Variants in EYA2 observed in about 807,000 individuals in gnomAD.
EYA2 encodes the protein EYA transcriptional coactivator and phosphatase 2.
In EYA2, 31 loss-of-function variants were observed where a neutral mutation model predicts 69.2. The observed-to-expected ratio is 0.45, with a 90% confidence interval of 0.34 to 0.60. EYA2 has a LOEUF of 0.60. EYA2 is among the 20% of genes least tolerant of loss of function. EYA2 has a pLI of 0.02. For missense variants in EYA2, 622 were observed against 701.2 expected (o/e 0.89, Z 1.28); for synonymous variants, 257 against 279.4 (o/e 0.92, Z 0.80).
intron 1 of EYA2, among the ~76,000 whole-genome samples, chr20:46,897,824 C>T (rs1983887658): frequency 6.6e-6 from 1 of 152,084 alleles, no homozygotes. Context: ...GAAGTTGCGA[C>T]TGGGGTAGAG....
At chr20:47,112,642 T>C (rs1410786443) in intron 9 of EYA2, among the ~76,000 whole-genome samples, 1 of 151,664 alleles carries the variant, frequency 6.6e-6, no homozygotes, top group East Asian at 1.9e-4. Context: ...ACTTCAAAAC[T>C]AGGCCAAAAA....
intron 3 of EYA2, among the ~76,000 whole-genome samples, chr20:47,001,994 T>C (rs149883241): frequency 0.01 from 1,545 of 151,462 alleles, 22 homozygotes; most frequent in African/African-American, 0.035. Context: ...TGCAGTGGCG[T>C]GATCTCAGCT....
intron 1 of EYA2, among the ~76,000 whole-genome samples, chr20:46,987,964 C>CTCTCTCTCTATATATA (rs1555809797): frequency 3.5e-4 from 4 of 11,276 alleles, no homozygotes; most frequent in African/African-American, 5.5e-4. Flanking sequence ...CTCTCTCTCT[C>CTCTCTCTCTATATATA]TATATATATA....
rs1244703316 is a variant in EYA2 at position 46,965,193 on chromosome 20, G to A, written c.-10-24808G>A. Among the ~76,000 whole-genome samples, 4 of 152,192 alleles carry A rather than the reference G, an allele frequency of 2.6e-5. No individual in the cohort carries two copies. The East Asian group carries it at 5.8e-4, about 22-fold the overall frequency. Reference sequence around the variant, plus strand: ...TGAGCCCGACCTTGGTGAACCCTAAGCATGAGCCATTGATCCCACTGCTCA... The same window carrying A: ...TGAGCCCGACCTTGGTGAACCCTAAACATGAGCCATTGATCCCACTGCTCA... On this transcript the variant is annotated intron_variant, in intron 1 of 15. Coordinates refer to ENST00000327619, the MANE Select transcript of EYA2 (RefSeq NM_005244.5).
chr20:46,996,326 G>A (rs1387734322), intron 2 of EYA2, among the ~76,000 whole-genome samples: 4 of 152,170 alleles, frequency 2.6e-5, no homozygotes, highest in Admixed American at 1.3e-4. Flanking sequence ...CTTCTGGAAT[G>A]GAGATTTCTT....
rs184869732 is a variant in EYA2, at chr20:46,993,184, C to T, written c.109+3065C>T. On this transcript the variant is annotated intron_variant, in intron 2 of 15. Coordinates refer to ENST00000327619, the MANE Select transcript of EYA2 (RefSeq NM_005244.5). The stretch of plus-strand genomic sequence containing the variant: ...TGTTTAATGGGAGTAATTATTCCAC[C>T]GACCTCACAGACTCAATGTGAGGAT... 7.2e-5 allele frequency among the ~76,000 whole-genome samples: 11 copies of T among 152,288 alleles called. No individual in the cohort carries two copies. The East Asian group carries it at 1.9e-3, about 27-fold the overall frequency.
chr20:46,936,704 G>C (rs1399355399), intron 1 of EYA2, among the ~76,000 whole-genome samples: 1 of 152,124 alleles, frequency 6.6e-6, no homozygotes, highest in South Asian at 2.1e-4. Flanking sequence ...AGCAGAACAG[G>C]AGAAGGAGGC....
At position 47,074,322 on chromosome 20, in the gene EYA2, C is replaced by T. The variant is rs367734889; in HGVS notation, c.648C>T (p.Ser216=). ...EASHNVPNQS[S]ESLAGEYNTH... ...CTCACAACGTCCCCAACCAGAGTTC[C>T]GAGTCACTTGCTGGTAGGTGCAGTC... The change falls in exon 7 of 16, where the codon TCC becomes TCT. Residue 216 remains serine (S), a synonymous_variant. Coordinates refer to ENST00000327619, the MANE Select transcript of EYA2 (RefSeq NM_005244.5). 27 of 1,613,834 alleles carry T rather than the reference C, an allele frequency of 1.7e-5. No homozygotes were observed. The highest frequency in any genetic ancestry group is 8.0e-5 in the African/African-American group (6 of 74,936).
intron 1 of EYA2, among the ~76,000 whole-genome samples, chr20:46,948,798 T>C (rs1480298378): frequency 3.3e-5 from 5 of 152,240 alleles, no homozygotes; most frequent in African/African-American, 9.6e-5. Flanking sequence ...ACAAGTATTA[T>C]GTTCACTTCT....
chr20:47,041,955 G>T (rs1985094890), intron 5 of EYA2, among the ~76,000 whole-genome samples: 1 of 150,866 alleles, frequency 6.6e-6, no homozygotes, highest in South Asian at 2.1e-4. Context: ...TGGAAGGTTT[G>T]GTAAGAATAA....
intron 9 of EYA2, among the ~76,000 whole-genome samples, chr20:47,136,428 G>A (rs991293115): frequency 8.5e-5 from 13 of 152,060 alleles, no homozygotes; most frequent in Non-Finnish European, 1.6e-4. Context: ...GCAGATCTTT[G>A]GGCCGCCTAC....
At chr20:47,146,618 T>A (rs138303173) in intron 10 of EYA2, among the ~76,000 whole-genome samples, 1 of 152,188 alleles carries the variant, frequency 6.6e-6, no homozygotes, top group Admixed American at 6.5e-5. Context: ...AGTGAAAACA[T>A]ATTGTTTGTT....
intron 9 of EYA2, among the ~76,000 whole-genome samples, chr20:47,111,975 A>ATT (rs200022742): frequency 2.6e-5 from 4 of 151,220 alleles, no homozygotes; most frequent in Non-Finnish European, 4.4e-5. Flanking sequence ...ACAAAAAAAA[A>ATT]TTTTTTTTTC....
At chr20:47,149,875 A>G (rs1273614499) in intron 10 of EYA2, among the ~76,000 whole-genome samples, 2 of 152,078 alleles carry the variant, frequency 1.3e-5, no homozygotes, top group African/African-American at 2.4e-5. Flanking sequence ...AAATACATAC[A>G]TACACACATA....
At chr20:47,107,914 G>C (rs1244523565) in intron 9 of EYA2, among the ~76,000 whole-genome samples, 1 of 152,134 alleles carries the variant, frequency 6.6e-6, no homozygotes, top group African/African-American at 2.4e-5. Context: ...ACACAGAGAA[G>C]CTAAATTTTG....
intron 9 of EYA2, among the ~76,000 whole-genome samples, chr20:47,104,530 C>T (rs1353309629): frequency 6.6e-6 from 1 of 152,242 alleles, no homozygotes; most frequent in South Asian, 2.1e-4. Context: ...GAGATTTACT[C>T]CTGCACTTTT....
At chr20:47,134,248 C>A (rs2033407297) in intron 9 of EYA2, among the ~76,000 whole-genome samples, 1 of 152,128 alleles carries the variant, frequency 6.6e-6, no homozygotes, top group South Asian at 2.1e-4. Context: ...GCAGCTGAGC[C>A]ATGGAAGGCA....
chr20:47,182,259 T>C (rs2034551325), intron 14 of EYA2, among the ~76,000 whole-genome samples: 1 of 151,784 alleles, frequency 6.6e-6, no homozygotes, highest in Non-Finnish European at 1.5e-5. Flanking sequence ...AGGTGATCCA[T>C]CTGCCTCGGC....
chr20:47,135,429 C>T lies in EYA2; in HGVS notation c.889-7630C>T, dbSNP rs572252553. Among the ~76,000 whole-genome samples the T allele has an allele frequency of 7.9e-5, 12 of 152,014 alleles. No homozygotes were observed. In the South Asian group the frequency reaches 2.3e-3, roughly 29 times the overall value. ...GAGCCCACCTTCTTCACCTGTACAA[C>T]AAAGCACTCACTAGAGATTGGCCAT... On this transcript the variant is annotated intron_variant, in intron 9 of 15. Transcript: ENST00000327619.
Sources: gnomAD v4.1 joint callset for allele counts (sites outside exome capture counted in the v4.1 genomes callset) on GRCh38, gnomAD v4.1.1 for gene constraint, MANE v1.5 for transcripts, NCBI Gene and HGNC (gene_info 2026-07-23, HGNC 2026-07-21) for gene names.